Variants in SPPL2B observed in about 807,000 individuals in gnomAD.
SPPL2B encodes signal peptide peptidase-like 2B.
Under a neutral mutation model 59.7 loss-of-function variants are expected in SPPL2B, and 39 were observed. The observed-to-expected ratio is 0.65, with a 90% CI of 0.51 to 0.85. The LOEUF (loss-of-function observed/expected upper bound fraction) is 0.85, where lower values mean the gene tolerates loss of function less well. SPPL2B is among the 40% of genes least tolerant of loss of function. The pLI is 0.00. For missense variants in SPPL2B, 865 were observed against 849.0 expected (o/e 1.02, Z -0.23); for synonymous variants, 419 against 370.8 (o/e 1.13, Z -1.49).
rs371117284 is a variant in SPPL2B at position 2,339,973 on chromosome 19, G to A, written c.742+7G>A. ...TATTTCTACGATCTCCTCGGTGCGC[G>A]GCCCCGGGCGGGTGGGCCGCGGCGT... is the stretch of plus-strand genomic sequence containing the variant. On this transcript the variant is annotated splice_region_variant and intron_variant, in intron 6 of 14. Coordinates refer to ENST00000613503, the MANE Select transcript of SPPL2B (RefSeq NM_152988.3). 418 of 1,552,618 alleles carry A rather than the reference G, an allele frequency of 2.7e-4. No individual in the cohort carries two copies. Among genetic ancestry groups the A allele is most frequent in the Middle Eastern group, 8.3e-4 (5 of 6,010 alleles).
chr19:2,340,534 C>T, intron 7 of SPPL2B: 1 of 586,572 alleles, frequency 1.7e-6, no homozygotes, highest in Non-Finnish European at 3.1e-6. Context: ...GCTGGGGGGT[C>T]TCCAACAAAG....
chr19:2,348,217 ACACT>A (rs1250063202), intron 13 of SPPL2B, among the ~76,000 whole-genome samples: 6 of 56,828 alleles, frequency 1.1e-4, no homozygotes, highest in African/African-American at 1.5e-4. Context: ...CCACACACAC[ACACT>A]CTCATTCGCC....
At position 2,337,412 on chromosome 19, in the gene SPPL2B, G is replaced by A. The variant is rs781674063; in HGVS notation, c.187-31G>A. The stretch of plus-strand genomic sequence containing the variant: ...GGGCCCTCCTGGTGACTCACATCAC[G>A]TGAGACAACACTGTGCCCTGGCCTT... On this transcript the variant is annotated intron_variant, in intron 2 of 14. Transcript: ENST00000613503. The A allele has an allele frequency of 1.7e-5, 27 of 1,555,378 alleles. No homozygotes were observed. In the East Asian group the frequency reaches 2.3e-4, roughly 13 times the overall value.
intron 13 of SPPL2B, among the ~76,000 whole-genome samples, chr19:2,348,497 GCT>G (rs1969632277): frequency 2.2e-5 from 3 of 138,378 alleles, no homozygotes; most frequent in Non-Finnish European, 4.6e-5. Flanking sequence ...ACACACTCAC[GCT>G]CTCATTCGCT....
In SPPL2B at chr19:2,332,771, G is replaced by T. The variant is rs1366703688; in HGVS notation, c.67-1831G>T. On this transcript the variant is annotated intron_variant, in intron 1 of 14. Transcript: ENST00000613503. This position sits in a 1 kb window ranked among gnomAD's most constrained non-coding sequence, Gnocchi z 4.6. ...TCCCTGTGCAGGCCGGGCTCCCCTG[G>T]GGGCCCACACTGAGGGTCTGCAGTG... 2.0e-5 allele frequency among the ~76,000 whole-genome samples: 3 copies of T among 152,190 alleles called. No individual in the cohort carries two copies. The highest frequency in any genetic ancestry group is 6.5e-5 in the Admixed American group (1 of 15,288).
Position 2,340,835 on chromosome 19 carries a change from G to A in SPPL2B, c.840-63G>A, listed in dbSNP as rs1443510095. 3 of 1,005,218 alleles carry A rather than the reference G, an allele frequency of 3.0e-6. No homozygotes were observed. The African/African-American group carries it at 4.8e-5, about 16-fold the overall frequency. The allele number at this position is 1,005,218 out of a possible 1,614,324, so 62.3% of individuals were successfully genotyped here. On this transcript the variant is annotated intron_variant, in intron 7 of 14. Transcript: ENST00000613503. ...GGGTGCCTGGGCCGGTCCCAAGGGTGGTGGGCAGTGGGATGAGGCCGGGAG... is the reference window on the plus strand; with the variant it reads ...GGGTGCCTGGGCCGGTCCCAAGGGTAGTGGGCAGTGGGATGAGGCCGGGAG...
chr19:2,343,358 C>A, intron 9 of SPPL2B, 66 bp downstream of exon 9: 2 of 1,327,890 alleles, frequency 1.5e-6, no homozygotes, highest in Non-Finnish European at 1.1e-6. Context: ...CCTAGCCTGG[C>A]CCGTGTGGGG....
chr19:2,338,914 G>C, intron 4 of SPPL2B, 73 bp downstream of exon 4: 1 of 1,536,368 alleles, frequency 6.5e-7, no homozygotes, highest in Non-Finnish European at 8.9e-7. Flanking sequence ...CTGCCGGGGG[G>C]GTTTGTGCCT....
intron 14 of SPPL2B, among the ~76,000 whole-genome samples, chr19:2,351,850 G>A (rs1354741409): frequency 6.6e-6 from 1 of 151,166 alleles, no homozygotes; most frequent in Non-Finnish European, 1.5e-5. Context: ...GTGCCGGGTG[G>A]GGCCCAGGGG....
In SPPL2B at chr19:2,343,217, C is replaced by T; in HGVS notation, c.963C>T (p.Ala321=). 6.4e-7 allele frequency: 1 copy of T among 1,554,522 alleles called. No homozygotes were observed. The highest frequency in any genetic ancestry group is 8.7e-7 in the Non-Finnish European group (1 of 1,148,720). Reference sequence around the variant, plus strand: ...ATGCTGCTTTGTCTTGCAGGTGGGCCTGGGTCCTCCAGGATGCCCTGGGCA... The same window carrying T: ...ATGCTGCTTTGTCTTGCAGGTGGGCTTGGGTCCTCCAGGATGCCCTGGGCA... ...WGVFRNEDQW[A]WVLQDALGIA... Residue 321 remains alanine (A), a synonymous_variant, in exon 9 of 15, where the codon GCC becomes GCT. Coordinates refer to ENST00000613503, the MANE Select transcript of SPPL2B (RefSeq NM_152988.3).
intron 13 of SPPL2B, among the ~76,000 whole-genome samples, chr19:2,349,960 TTC>T (rs1478117144): frequency 1.5e-5 from 2 of 137,130 alleles, no homozygotes; most frequent in African/African-American, 5.6e-5. Context: ...CTTGATTCTG[TTC>T]TCTCTCTACA....
At chr19:2,348,788 C>A in intron 13 of SPPL2B, among the ~76,000 whole-genome samples, 1 of 133,392 alleles carries the variant, frequency 7.5e-6, no homozygotes, top group East Asian at 2.5e-4. Context: ...CGCTTGATTC[C>A]GTTCTCTCCC....
chr19:2,344,015 G>T lies in SPPL2B; in HGVS notation c.1089G>T (p.Val363=). The T allele has an allele frequency of 6.5e-7, 1 of 1,548,224 alleles. No individual in the cohort carries two copies. The highest frequency in any genetic ancestry group is 8.7e-7 in the Non-Finnish European group (1 of 1,146,598). Residue 363 remains valine (V), a synonymous_variant, in exon 10 of 15, where the codon GTG becomes GTT. Coordinates refer to ENST00000613503, the MANE Select transcript of SPPL2B (RefSeq NM_152988.3). ...TGTTCCTCTACGACATCTTCTTCGT[G>T]TTCATCACGCCCTTCCTGACCAAGG... The part of the protein sequence containing the change: ...LVLFLYDIFF[V]FITPFLTKSG...
At position 2,351,742 on chromosome 19, in the gene SPPL2B, G is replaced by T. The variant is rs905102379; in HGVS notation, c.1515+148G>T. 5 of 1,089,322 alleles carry T rather than the reference G, an allele frequency of 4.6e-6. No individual in the cohort carries two copies. In the African/African-American group the frequency reaches 7.9e-5, roughly 17 times the overall value. 67.5% of individuals were successfully genotyped at this position (1,089,322 alleles called of 1,614,324 possible). On this transcript the variant is annotated intron_variant, in intron 14 of 14. Transcript: ENST00000613503. ...GTACCTTCTGCTTTGGGTGTCATGC[G>T]CGTGAGGCCCCGGTGGAAGGACGTG...
intron 13 of SPPL2B, among the ~76,000 whole-genome samples, chr19:2,346,944 T>C (rs1411687932): frequency 6.6e-6 from 1 of 152,138 alleles, no homozygotes; most frequent in East Asian, 1.9e-4. Context: ...AGCAGTGTGC[T>C]TGCTGGACAC....
chr19:2,351,749 G>A, intron 14 of SPPL2B, 155 bp downstream of exon 14: 1 of 1,010,636 alleles, frequency 9.9e-7, no homozygotes, highest in Non-Finnish European at 1.4e-6. Flanking sequence ...TGCGCGTGAG[G>A]CCCCGGTGGA....
At chr19:2,339,709 G>A (rs1281442213) in intron 5 of SPPL2B, 115 bp from the exon 6 acceptor site, 8 of 1,262,144 alleles carry the variant, frequency 6.3e-6, no homozygotes, top group African/African-American at 4.4e-5. Context: ...AGTCCCCCCC[G>A]GGTCCCCTCC....
chr19:2,333,665 C>T (rs571511766), intron 1 of SPPL2B, among the ~76,000 whole-genome samples: 4 of 152,352 alleles, frequency 2.6e-5, no homozygotes, highest in African/African-American at 9.6e-5. Context: ...CTGTCCTGGG[C>T]GCGGTGGCCA....
rs61740630 is a variant in SPPL2B at position 2,352,966 on chromosome 19, G to T, written c.1536G>T (p.Pro512=). 5,393 of 1,612,004 alleles carry T rather than the reference G, an allele frequency of 3.3e-3. 170 individuals are homozygous for T. In the African/African-American group the frequency reaches 0.064, roughly 19 times the overall value. ...TGTAGAAAGTCCTACCTCCATCTCC[G>T]TGGGCCCCAGCACCAGCCGACGGCC... ...SGFAKVLPPS[P]WAPAPADGPQ... is the part of the protein sequence containing the mutation. The change falls in exon 15 of 15, where the codon CCG becomes CCT. Residue 512 remains proline (P), a synonymous_variant. Coordinates refer to ENST00000613503, the MANE Select transcript of SPPL2B (RefSeq NM_152988.3).
Sources: gnomAD v4.1 joint callset for allele counts (sites outside exome capture counted in the v4.1 genomes callset) on GRCh38, gnomAD v4.1.1 for gene constraint, Gnocchi (gnomAD v3.1) non-coding constraint, MANE v1.5 for transcripts, NCBI Gene and HGNC (gene_info 2026-07-23, HGNC 2026-07-21) for gene names.